Variants in ANO2 observed in about 807,000 individuals in gnomAD.
The protein encoded by ANO2 is anoctamin 2.
In ANO2, 101 loss-of-function variants were observed where a neutral mutation model predicts 124.2. The ratio of observed to expected loss-of-function variants is 0.81; its 90% confidence interval spans 0.69 to 0.96. ANO2 has a LOEUF of 0.96. ANO2 is among the 40% of genes least tolerant of loss of function. ANO2 has a pLI of 0.00. For synonymous variants in ANO2, 486 were observed against 482.5 expected (o/e 1.01, Z -0.09); for missense variants, 1,293 against 1,274.5 (o/e 1.01, Z -0.22).
At chr12:5,722,769 A>G (rs1950283123) in intron 14 of ANO2, among the ~76,000 whole-genome samples, 2 of 152,200 alleles carry the variant, frequency 1.3e-5, no homozygotes, top group Non-Finnish European at 2.9e-5. Context: ...CAGAGCCCAG[A>G]ACAAATATGA....
intron 19 of ANO2, among the ~76,000 whole-genome samples, chr12:5,612,064 C>A (rs1944570693): frequency 6.6e-6 from 1 of 152,188 alleles, no homozygotes; most frequent in Admixed American, 6.5e-5. Context: ...TTAACTTGCT[C>A]CATCTTTCTT....
At chr12:5,713,782 A>T (rs116962604) in intron 14 of ANO2, among the ~76,000 whole-genome samples, 3,978 of 152,236 alleles carry the variant, frequency 0.026, 84 homozygotes, top group South Asian at 0.04. Flanking sequence ...AACAAGGGAA[A>T]CTCAGTTAAT....
chr12:5,877,891 A>T (rs1938218139), intron 3 of ANO2, among the ~76,000 whole-genome samples: 1 of 152,216 alleles, frequency 6.6e-6, no homozygotes, highest in African/African-American at 2.4e-5. Flanking sequence ...CAGGAGGTGG[A>T]GCTCAGGCAG....
intron 10 of ANO2, among the ~76,000 whole-genome samples, chr12:5,758,939 T>C (rs983278748): frequency 1.3e-5 from 2 of 152,074 alleles, no homozygotes; most frequent in African/African-American, 4.8e-5. Flanking sequence ...TAAATAACTC[T>C]AATTAATAGA....
intron 14 of ANO2, among the ~76,000 whole-genome samples, chr12:5,679,687 T>A (rs1160097410): frequency 2.0e-5 from 3 of 152,208 alleles, no homozygotes; most frequent in African/African-American, 7.2e-5. Flanking sequence ...ACACTTTTGA[T>A]GGGAATGTAA....
chr12:5,830,515 C>T, intron 5 of ANO2, 26 bp from the exon 6 acceptor site: 1 of 1,602,752 alleles, frequency 6.2e-7, no homozygotes, highest in Non-Finnish European at 8.5e-7. Flanking sequence ...GAGCAGATGG[C>T]AAATTCATTT....
Position 5,635,197 on chromosome 12 carries a change from G to A in ANO2, c.1771C>T (p.Leu591=), listed in dbSNP as rs759111246. The A allele has an allele frequency of 1.2e-5, 20 of 1,608,192 alleles. No individual in the cohort carries two copies. The highest frequency in any genetic ancestry group is 1.7e-4 in the Middle Eastern group (1 of 6,060). ...VIINLVVILI[L]DEIYGAVAKW... is the part of the protein sequence containing the mutation. Reference sequence around the variant, plus strand: ...GCCACAGCGCCGTAGATCTCGTCCAGGATGAGGATGACCACGAGGTTGATG... The same window carrying A: ...GCCACAGCGCCGTAGATCTCGTCCAAGATGAGGATGACCACGAGGTTGATG... The change falls in exon 16 of 25, where the codon CTG becomes TTG. Residue 591 remains leucine (L), a synonymous_variant. Coordinates refer to ENST00000682330, the MANE Select transcript of ANO2 (RefSeq NM_001364791.2). The surrounding 1 kb of genome is among the most constrained non-coding windows in gnomAD (Gnocchi z 5.2).
intron 10 of ANO2, among the ~76,000 whole-genome samples, chr12:5,755,342 G>A (rs1022481056): frequency 8.0e-5 from 12 of 150,614 alleles, no homozygotes; most frequent in Non-Finnish European, 1.3e-4. Flanking sequence ...CTTGACTTTT[G>A]AGAATTCAAT....
intron 13 of ANO2, among the ~76,000 whole-genome samples, chr12:5,737,632 T>A (rs1307328555): frequency 1.3e-5 from 2 of 152,134 alleles, no homozygotes; most frequent in African/African-American, 4.8e-5. Context: ...TTCTACGGCA[T>A]TAGCGGAGTA....
chr12:5,882,133 C>T (rs1263068645), intron 3 of ANO2, among the ~76,000 whole-genome samples: 3 of 152,122 alleles, frequency 2.0e-5, no homozygotes, highest in Admixed American at 1.3e-4. Flanking sequence ...AGGAAAGGAA[C>T]AGTCAAAAGC....
At position 5,626,217 on chromosome 12, in the gene ANO2, G is replaced by A. The variant is rs139738282; in HGVS notation, c.1816+8935C>T. ...AATAGGCAATCACAGGATCTGTTGC[G>A]TTTTGAAGATTGAAGGTGGCAAGCT... On this transcript the variant is annotated intron_variant, in intron 16 of 24. Transcript: ENST00000682330. 4.8e-4 allele frequency among the ~76,000 whole-genome samples: 73 copies of A among 152,256 alleles called. 1 individual carries two copies. The East Asian group carries it at 8.7e-3, about 18-fold the overall frequency.
At chr12:5,898,717 G>T (rs370665617) in intron 3 of ANO2, among the ~76,000 whole-genome samples, 1 of 152,192 alleles carries the variant, frequency 6.6e-6, no homozygotes, top group Non-Finnish European at 1.5e-5. Flanking sequence ...GAATAGTCAC[G>T]ACCTTTGGGT....
chr12:5,941,549 T>C (rs1942895099), intron 1 of ANO2, among the ~76,000 whole-genome samples: 2 of 150,980 alleles, frequency 1.3e-5, no homozygotes, highest in South Asian at 4.2e-4. Flanking sequence ...CAAAAATAGT[T>C]GAAGAAGAAA....
chr12:5,807,082 T>G (rs1272033609), intron 8 of ANO2, among the ~76,000 whole-genome samples: 2 of 152,212 alleles, frequency 1.3e-5, no homozygotes, highest in Non-Finnish European at 2.9e-5. Flanking sequence ...AAGCCCAGTT[T>G]ATTGTGTCAT....
At position 5,841,761 on chromosome 12, in the gene ANO2, G is replaced by A. The variant is rs546331318; in HGVS notation, c.634-9158C>T. Among the ~76,000 whole-genome samples, 347 of 152,184 alleles carry A rather than the reference G, an allele frequency of 2.3e-3. 2 individuals carry two copies. Among genetic ancestry groups the A allele is most frequent in the Non-Finnish European group, 3.3e-3 (224 of 68,026 alleles). ...GTGCTCACATTTCAGCTTAAATGGC[G>A]TCTTCTCTTCCTCTCCCCCACTTTC... On this transcript the variant is annotated intron_variant, in intron 4 of 24. Transcript: ENST00000682330.
At chr12:5,609,749 C>G (rs1011922922) in intron 19 of ANO2, among the ~76,000 whole-genome samples, 1 of 151,702 alleles carries the variant, frequency 6.6e-6, no homozygotes, top group African/African-American at 2.4e-5. Context: ...CCTGACACAC[C>G]CCAAGACCCT....
At chr12:5,692,239 T>C (rs10774368) in intron 14 of ANO2, among the ~76,000 whole-genome samples, 56,771 of 151,676 alleles carry the variant, frequency 0.37, 12,371 homozygotes, top group East Asian at 0.59. Context: ...GTAGTAGAGT[T>C]AAAGGCACTT....
intron 4 of ANO2, among the ~76,000 whole-genome samples, chr12:5,842,927 A>G (rs1347628867): frequency 6.6e-6 from 1 of 152,138 alleles, no homozygotes; most frequent in East Asian, 1.9e-4. Context: ...AAAATGAATA[A>G]AAAGCATTCT....
Position 5,731,134 on chromosome 12 carries a change from T to C in ANO2, c.1545+1386A>G, listed in dbSNP as rs1030726121. ...GTTACATGTGATTTCCATAAAATTA[T>C]CCATTGTATATTGCTATGGGGTGGA... On this transcript the variant is annotated intron_variant, in intron 14 of 24. Transcript: ENST00000682330. Among the ~76,000 whole-genome samples the C allele has an allele frequency of 6.6e-5, 10 of 152,332 alleles. No homozygotes were observed. In the East Asian group the frequency reaches 1.9e-3, roughly 29 times the overall value.
Sources: gnomAD v4.1 joint callset for allele counts (sites outside exome capture counted in the v4.1 genomes callset) on GRCh38, gnomAD v4.1.1 for gene constraint, Gnocchi (gnomAD v3.1) non-coding constraint, MANE v1.5 for transcripts, NCBI Gene and HGNC (gene_info 2026-07-23, HGNC 2026-07-21) for gene names.